Variants in TCF12 observed in about 807,000 individuals in gnomAD.
TCF12 encodes the protein DNA-binding protein HTF4.
Under a neutral mutation model 86.0 loss-of-function variants are expected in TCF12, and 45 were observed. The observed-to-expected ratio is 0.52, with a 90% CI of 0.41 to 0.67. The LOEUF (loss-of-function observed/expected upper bound fraction) is 0.67. Among genes scored for constraint, TCF12 ranks in the 30% least tolerant of loss-of-function variants. The pLI is 0.00. For synonymous variants in TCF12, 330 were observed against 299.6 expected (o/e 1.10, Z -1.05); for missense variants, 881 against 859.9 (o/e 1.02, Z -0.31).
At chr15:57,106,382 G>A (rs190426526) in intron 5 of TCF12, among the ~76,000 whole-genome samples, 9 of 152,274 alleles carry the variant, frequency 5.9e-5, no homozygotes, top group Admixed American at 3.9e-4. Context: ...ACTAACTGAC[G>A]CTTTTCTATA....
chr15:57,201,958 A>G (rs1369763416), intron 8 of TCF12, among the ~76,000 whole-genome samples: 2 of 152,188 alleles, frequency 1.3e-5, no homozygotes, highest in African/African-American at 4.8e-5. Context: ...GTCGGGGGAA[A>G]AAAAGGAAAC....
chr15:57,118,550 CAG>C (rs2051002267), intron 5 of TCF12: 2 of 152,120 alleles, frequency 1.3e-5, no homozygotes, highest in African/African-American at 4.8e-5. Flanking sequence ...TCCCAGTTAA[CAG>C]AAACCTTCTG....
intron 4 of TCF12, among the ~76,000 whole-genome samples, chr15:57,086,883 A>G (rs1049733190): frequency 7.2e-5 from 11 of 152,172 alleles, no homozygotes; most frequent in Admixed American, 3.3e-4. Context: ...GATACTCTAT[A>G]AATTGGATGA....
chr15:56,964,328 T>G (rs1178682560), intron 3 of TCF12, among the ~76,000 whole-genome samples: 1 of 152,204 alleles, frequency 6.6e-6, no homozygotes, highest in Admixed American at 6.5e-5. Flanking sequence ...TTGGTATCGC[T>G]TAAAAACTGG....
intron 5 of TCF12, among the ~76,000 whole-genome samples, chr15:57,096,344 T>C (rs930424326): frequency 1.3e-5 from 2 of 152,114 alleles, no homozygotes; most frequent in Non-Finnish European, 2.9e-5. Flanking sequence ...CGTCATTAGC[T>C]TCTGAGAAAC....
intron 5 of TCF12, among the ~76,000 whole-genome samples, chr15:57,131,041 C>T (rs1169815216): frequency 6.6e-5 from 10 of 152,070 alleles, no homozygotes; most frequent in African/African-American, 2.4e-4. Flanking sequence ...GTTCCATTTT[C>T]TGTTTTGCTT....
At chr15:57,239,637 G>T (rs1490029371) in intron 12 of TCF12, among the ~76,000 whole-genome samples, 1 of 151,976 alleles carries the variant, frequency 6.6e-6, no homozygotes, top group Non-Finnish European at 1.5e-5. Context: ...TTTGAGTAAA[G>T]ATTTAAAGTG....
intron 4 of TCF12, among the ~76,000 whole-genome samples, chr15:57,077,317 A>G (rs2070161651): frequency 8.2e-6 from 1 of 121,514 alleles, no homozygotes; most frequent in Admixed American, 8.1e-5. Context: ...TTCCATATAT[A>G]TGTATATATA....
At chr15:57,269,360 CTTTTTTTTTTTTTTTTTT>C (rs56700978) in intron 18 of TCF12, among the ~76,000 whole-genome samples, 2 of 31,944 alleles carry the variant, frequency 6.3e-5, no homozygotes, top group Non-Finnish European at 1.0e-4. Flanking sequence ...ACAACCCCTG[CTTTTTTTTTTTTTTTTTT>C]TTTTTTTTTT....
At chr15:57,218,348 C>T (rs2151850153) in intron 8 of TCF12, among the ~76,000 whole-genome samples, 1 of 152,272 alleles carries the variant, frequency 6.6e-6, no homozygotes, top group South Asian at 2.1e-4. Context: ...AGTTGCTATT[C>T]TGTTTTTCCA....
chr15:57,195,225 CA>C (rs1354672333), intron 7 of TCF12, among the ~76,000 whole-genome samples: 1 of 152,178 alleles, frequency 6.6e-6, no homozygotes, highest in African/African-American at 2.4e-5. Context: ...TTATATTTTG[CA>C]ACTTCCCAGA....
chr15:56,959,964 C>A (rs1300244395), intron 3 of TCF12, among the ~76,000 whole-genome samples: 2 of 152,100 alleles, frequency 1.3e-5, no homozygotes, highest in Admixed American at 1.3e-4. Flanking sequence ...GAAATAGCTG[C>A]TGTAAACTTA....
intron 3 of TCF12, among the ~76,000 whole-genome samples, chr15:56,926,865 C>T (rs1215342179): frequency 6.6e-6 from 1 of 152,142 alleles, no homozygotes; most frequent in African/African-American, 2.4e-5. Flanking sequence ...TGAGTTAATA[C>T]ATGTAAAGTT....
chr15:57,250,811 G>A (rs995128035), intron 13 of TCF12, among the ~76,000 whole-genome samples: 5 of 151,656 alleles, frequency 3.3e-5, no homozygotes, highest in South Asian at 2.1e-4. Context: ...CAGGAGAATC[G>A]CTTGAACTCA....
intron 3 of TCF12, among the ~76,000 whole-genome samples, chr15:56,966,417 A>T (rs1451275584): frequency 2.6e-5 from 4 of 152,222 alleles, no homozygotes; most frequent in African/African-American, 9.7e-5. Flanking sequence ...TAACCTGCTA[A>T]AAATGGACCC....
chr15:57,270,840 G>A (rs928994230), intron 18 of TCF12, among the ~76,000 whole-genome samples: 36 of 152,168 alleles, frequency 2.4e-4, no homozygotes, highest in African/African-American at 8.4e-4. Context: ...CACATCTGTT[G>A]GAGTTTGCTG....
At chr15:57,264,961 C>T (rs1260607096) in intron 18 of TCF12, among the ~76,000 whole-genome samples, 1 of 151,686 alleles carries the variant, frequency 6.6e-6, no homozygotes, top group African/African-American at 2.4e-5. Flanking sequence ...AACTCCTGAC[C>T]TCCAGTGATC....
chr15:56,954,442 A>G (rs1346642635), intron 3 of TCF12, among the ~76,000 whole-genome samples: 2 of 152,210 alleles, frequency 1.3e-5, no homozygotes, highest in Non-Finnish European at 2.9e-5. Context: ...AAAGACTTAA[A>G]TATTAGACCT....
chr15:57,072,776 C>T (rs1257568996), intron 4 of TCF12: 1 of 1,131,228 alleles, frequency 8.8e-7, no homozygotes, highest in East Asian at 5.4e-5. Flanking sequence ...TATGTAACTG[C>T]TCCTTCTGAA....
Sources: gnomAD v4.1 joint callset for allele counts (sites outside exome capture counted in the v4.1 genomes callset) on GRCh38, gnomAD v4.1.1 for gene constraint, MANE v1.5 for transcripts, NCBI Gene and HGNC (gene_info 2026-07-23, HGNC 2026-07-21) for gene names.